Variants in DOK6 observed in about 807,000 individuals in gnomAD.
DOK6 encodes downstream of tyrosine kinase 6.
A neutral mutation model predicts 44.0 loss-of-function variants in DOK6; 22 were observed. The observed-to-expected ratio is 0.50, with a 90% CI of 0.36 to 0.71. The LOEUF (loss-of-function observed/expected upper bound fraction) is 0.71, where lower values mean the gene tolerates loss of function less well. DOK6 is among the 30% of genes least tolerant of loss of function. The probability of loss-of-function intolerance (pLI) is 0.00; values close to 1 mark genes in which losing one functional copy is unlikely to be tolerated. For synonymous variants in DOK6, 166 were observed against 145.5 expected, an observed-to-expected ratio of 1.14 and a Z score of -1.01; for missense variants, 340 against 416.4, an observed-to-expected ratio of 0.82 and a Z score of 1.60.
chr18:69,583,887 T>A (rs2144611745), intron 2 of DOK6, among the ~76,000 whole-genome samples: 1 of 152,098 alleles, frequency 6.6e-6, no homozygotes, highest in South Asian at 2.1e-4. Context: ...GGCGGGAGGA[T>A]CATGAAGTCA....
intron 5 of DOK6, among the ~76,000 whole-genome samples, chr18:69,724,439 C>T (rs1330075516): frequency 6.6e-6 from 1 of 152,296 alleles, no homozygotes; most frequent in East Asian, 1.9e-4. Context: ...ACTAAGATTG[C>T]TTTGATCCAT....
chr18:69,828,008 T>C (rs1225618920), intron 7 of DOK6, among the ~76,000 whole-genome samples: 1 of 151,906 alleles, frequency 6.6e-6, no homozygotes, highest in Non-Finnish European at 1.5e-5. Context: ...AGTAAATTTC[T>C]TTAAATAGCT....
At chr18:69,820,564 C>T (rs1160708953) in intron 7 of DOK6, among the ~76,000 whole-genome samples, 4 of 152,050 alleles carry the variant, frequency 2.6e-5, no homozygotes, top group East Asian at 1.9e-4. Context: ...GGAAACTTAA[C>T]GCAGTATTAA....
At chr18:69,822,106 T>C (rs1363671495) in intron 7 of DOK6, among the ~76,000 whole-genome samples, 2 of 152,174 alleles carry the variant, frequency 1.3e-5, no homozygotes, top group African/African-American at 4.8e-5. Flanking sequence ...AATTATCTCA[T>C]TAAGACTTGA....
At chr18:69,406,995 C>T (rs1289641501) in intron 1 of DOK6, among the ~76,000 whole-genome samples, 1 of 152,082 alleles carries the variant, frequency 6.6e-6, no homozygotes, top group East Asian at 1.9e-4. Flanking sequence ...GCAGGAGAAT[C>T]GCTTGAACTC....
intron 1 of DOK6, among the ~76,000 whole-genome samples, chr18:69,493,699 A>G (rs1980802544): frequency 6.6e-6 from 1 of 152,222 alleles, no homozygotes; most frequent in African/African-American, 2.4e-5. Flanking sequence ...AAGAATTTTG[A>G]TATCTCCTAA....
rs1294722510 is a variant in DOK6, at chr18:69,669,302, G to A, written c.290-8432G>A. On this transcript the variant is annotated intron_variant, in intron 3 of 7. Transcript: ENST00000382713. The stretch of plus-strand genomic sequence containing the variant: ...TGGCGTCTCTTGTTCCCTCTTCAGT[G>A]TCCATGTGTACTTCGTGTTTAGCTC... Among the ~76,000 whole-genome samples, 2 of 152,252 alleles carry A rather than the reference G, an allele frequency of 1.3e-5. 1 individual carries two copies. Among genetic ancestry groups the A allele is most frequent in the South Asian group, 4.2e-4 (2 of 4,818 alleles).
intron 6 of DOK6, among the ~76,000 whole-genome samples, chr18:69,743,177 A>G (rs1409102532): frequency 1.3e-5 from 2 of 152,230 alleles, no homozygotes; most frequent in African/African-American, 4.8e-5. Flanking sequence ...AGGGTAATAC[A>G]TATTAAACTG....
At chr18:69,483,722 G>T (rs898495139) in intron 1 of DOK6, 5 of 152,088 alleles carry the variant, frequency 3.3e-5, no homozygotes, top group Non-Finnish European at 5.9e-5. Flanking sequence ...TAGTAAGTTT[G>T]CAGGATAGAC....
intron 1 of DOK6, among the ~76,000 whole-genome samples, chr18:69,534,599 A>C (rs1982070422): frequency 6.6e-6 from 1 of 151,796 alleles, no homozygotes; most frequent in Admixed American, 6.6e-5. Flanking sequence ...GTTTTTTTCC[A>C]TATGAATAGC....
intron 1 of DOK6, among the ~76,000 whole-genome samples, chr18:69,537,239 C>T (rs1040479124): frequency 6.6e-6 from 1 of 152,158 alleles, no homozygotes; most frequent in Non-Finnish European, 1.5e-5. Flanking sequence ...CTCACTTCTG[C>T]CTTCTGGCTC....
At chr18:69,517,716 G>A (rs1471702405) in intron 1 of DOK6, among the ~76,000 whole-genome samples, 3 of 143,760 alleles carry the variant, frequency 2.1e-5, no homozygotes, top group Non-Finnish European at 4.5e-5. Context: ...CAAGAGTTGT[G>A]CTATACAGCT....
intron 3 of DOK6, among the ~76,000 whole-genome samples, chr18:69,672,355 G>T (rs1425112249): frequency 1.4e-5 from 2 of 141,368 alleles, no homozygotes; most frequent in African/African-American, 4.9e-5. Flanking sequence ...TTGTTAGTTT[G>T]TTTGTTTGTT....
intron 7 of DOK6, among the ~76,000 whole-genome samples, chr18:69,786,197 C>T (rs182229748): frequency 4.3e-4 from 66 of 151,996 alleles, no homozygotes; most frequent in Admixed American, 1.5e-3. Context: ...CATTGACTTA[C>T]GCTTAATATA....
intron 7 of DOK6, among the ~76,000 whole-genome samples, chr18:69,840,657 T>G (rs1218109206): frequency 1.3e-5 from 2 of 152,240 alleles, no homozygotes; most frequent in African/African-American, 4.8e-5. Context: ...CTTAATTGTT[T>G]GGGTTAACCA....
intron 2 of DOK6, among the ~76,000 whole-genome samples, chr18:69,587,588 A>G (rs1231261592): frequency 6.6e-6 from 1 of 152,174 alleles, no homozygotes; most frequent in Non-Finnish European, 1.5e-5. Context: ...ACCCATTACA[A>G]TAATGAAGAG....
chr18:69,699,963 GAC>G (rs1256512175), intron 5 of DOK6, among the ~76,000 whole-genome samples: 1 of 152,048 alleles, frequency 6.6e-6, no homozygotes, highest in Non-Finnish European at 1.5e-5. Flanking sequence ...GAAGGAGAAA[GAC>G]ACATCTCACA....
At chr18:69,705,051 C>T (rs780513822) in intron 5 of DOK6, 2 of 152,222 alleles carry the variant, frequency 1.3e-5, no homozygotes, top group African/African-American at 2.4e-5. Context: ...TTGGGAAGAA[C>T]GTGCCAATCC....
At chr18:69,421,058 A>T (rs925942176) in intron 1 of DOK6, among the ~76,000 whole-genome samples, 1 of 152,128 alleles carries the variant, frequency 6.6e-6, no homozygotes, top group African/African-American at 2.4e-5. Context: ...AAACCCTAAG[A>T]TGCATGCATC....
Sources: gnomAD v4.1 joint callset for allele counts (sites outside exome capture counted in the v4.1 genomes callset) on GRCh38, gnomAD v4.1.1 for gene constraint, MANE v1.5 for transcripts, NCBI Gene and HGNC (gene_info 2026-07-23, HGNC 2026-07-21) for gene names.